The following TRAF3 variants were observed in gnomAD, a reference collection of about 807,000 sequenced individuals.
The protein encoded by TRAF3 is TNF receptor associated factor 3, also known as TNF receptor-associated factor 3.
A neutral mutation model predicts 62.3 loss-of-function variants in TRAF3; 13 were observed. That is an observed-to-expected ratio of 0.21 (90% confidence interval 0.14 to 0.33). The LOEUF (loss-of-function observed/expected upper bound fraction) is 0.33. Ranked by LOEUF, TRAF3 falls within the 10% of genes least tolerant of loss-of-function variation. TRAF3 has a pLI of 1.00. For missense variants in TRAF3, 440 were observed against 741.8 expected (o/e 0.59, Z 4.73); for synonymous variants, 269 against 283.4 (o/e 0.95, Z 0.51).
rs531782309 is a variant in TRAF3, at chr14:102,864,200, G to A, written c.-17-5985G>A. 2.4e-4 allele frequency among the ~76,000 whole-genome samples: 35 copies of A among 148,462 alleles called. No individual in the cohort carries two copies. The East Asian group carries it at 6.3e-3, about 27-fold the overall frequency. The stretch of plus-strand genomic sequence containing the variant: ...TTCTTGCGCTCTCACCCGGGCTGGA[G>A]TGCAGTGGCGCCATCACGGCTCACT... On this transcript the variant is annotated intron_variant, in intron 2 of 11. Coordinates refer to ENST00000392745, the MANE Select transcript of TRAF3 (RefSeq NM_145725.3).
chr14:102,883,312 G>A (rs996281944), intron 6 of TRAF3, among the ~76,000 whole-genome samples: 37 of 152,242 alleles, frequency 2.4e-4, no homozygotes, highest in African/African-American at 8.7e-4. Flanking sequence ...AATACTGAGC[G>A]AAGTCCAGAA....
At chr14:102,854,930 A>G (rs1046528253) in intron 2 of TRAF3, among the ~76,000 whole-genome samples, 5 of 151,414 alleles carry the variant, frequency 3.3e-5, no homozygotes, top group Non-Finnish European at 7.4e-5. Context: ...CATGATCTCT[A>G]TCTGGTTCCA....
At chr14:102,851,871 A>G (rs973595660) in intron 2 of TRAF3, among the ~76,000 whole-genome samples, 2 of 151,964 alleles carry the variant, frequency 1.3e-5, no homozygotes, top group African/African-American at 4.8e-5. Context: ...CCTGGGCAAC[A>G]TGGCGAGACC....
chr14:102,842,659 C>G (rs1886448051), intron 2 of TRAF3, among the ~76,000 whole-genome samples: 1 of 152,084 alleles, frequency 6.6e-6, no homozygotes, highest in African/African-American at 2.4e-5. Flanking sequence ...ATAAAGAAAT[C>G]CAAGGTACCT....
chr14:102,854,397 C>A (rs1019864318), intron 2 of TRAF3, among the ~76,000 whole-genome samples: 1 of 152,228 alleles, frequency 6.6e-6, no homozygotes, highest in African/African-American at 2.4e-5. Flanking sequence ...ACATTCCTGT[C>A]AACAATATGT....
At chr14:102,870,578 C>A in intron 3 of TRAF3, 132 bp downstream of exon 3, 1 of 1,277,680 alleles carries the variant, frequency 7.8e-7, no homozygotes, top group Admixed American at 2.3e-5. Context: ...AGCCTCCGGG[C>A]CCAGCTTGTG....
intron 1 of TRAF3, among the ~76,000 whole-genome samples, chr14:102,817,405 G>A (rs1899602626): frequency 6.6e-6 from 1 of 152,096 alleles, no homozygotes; most frequent in African/African-American, 2.4e-5. Flanking sequence ...GAATGATGGG[G>A]GAGTGGGGGT....
At chr14:102,898,003 G>A (rs972176190) in intron 10 of TRAF3, among the ~76,000 whole-genome samples, 4 of 152,236 alleles carry the variant, frequency 2.6e-5, no homozygotes, top group Non-Finnish European at 5.9e-5. Flanking sequence ...GATCATTGTA[G>A]ATGCTCTCTG....
At chr14:102,889,775 A>C in intron 8 of TRAF3, 141 bp downstream of exon 8, 1 of 1,013,668 alleles carries the variant, frequency 9.9e-7, no homozygotes, top group Admixed American at 1.9e-5. Flanking sequence ...TGGGTGACGA[A>C]AGCCACATGC....
chr14:102,798,790 A>G (rs1343548454), intron 1 of TRAF3, among the ~76,000 whole-genome samples: 2 of 152,172 alleles, frequency 1.3e-5, no homozygotes, highest in African/African-American at 4.8e-5. Context: ...GACCTTTGTA[A>G]AGCACTTCAT....
chr14:102,872,866 A>G (rs1339557672), intron 4 of TRAF3, among the ~76,000 whole-genome samples: 1 of 151,338 alleles, frequency 6.6e-6, no homozygotes, highest in Non-Finnish European at 1.5e-5. Context: ...TAATTTTTGT[A>G]TTTTTAGTAG....
intron 7 of TRAF3, among the ~76,000 whole-genome samples, chr14:102,888,249 C>T (rs1566799297): frequency 2.0e-5 from 3 of 152,230 alleles, no homozygotes; most frequent in African/African-American, 7.2e-5. Flanking sequence ...TGCCAGTCAC[C>T]TGTCACGTGC....
rs1003085701 is a variant in TRAF3, at chr14:102,826,081, G to A, written c.-156-4253G>A. ...TTCCTTAAAAGTTTTTCTGTAACTCGAATCCCTCCCACCCCCGTGAGGTAA... is the reference window on the plus strand; with the variant it reads ...TTCCTTAAAAGTTTTTCTGTAACTCAAATCCCTCCCACCCCCGTGAGGTAA... On this transcript the variant is annotated intron_variant, in intron 1 of 11. Coordinates refer to ENST00000392745, the MANE Select transcript of TRAF3 (RefSeq NM_145725.3). This position sits in a 1 kb window ranked among gnomAD's most constrained non-coding sequence, Gnocchi z 4.6. 1.3e-5 allele frequency among the ~76,000 whole-genome samples: 2 copies of A among 152,168 alleles called. No individual in the cohort carries two copies. Among genetic ancestry groups the A allele is most frequent in the Non-Finnish European group, 1.5e-5 (1 of 68,024 alleles).
Position 102,852,405 on chromosome 14 carries a change from G to A in TRAF3, c.-17-17780G>A, listed in dbSNP as rs1202549971. 5.9e-5 allele frequency among the ~76,000 whole-genome samples: 9 copies of A among 152,182 alleles called. No homozygotes were observed. The South Asian group carries it at 1.5e-3, about 25-fold the overall frequency. On this transcript the variant is annotated intron_variant, in intron 2 of 11. Coordinates refer to ENST00000392745, the MANE Select transcript of TRAF3 (RefSeq NM_145725.3). ...GGTGTTGTTGTTCCAGCCTGGGAACGAGACATGACCGACTCCAGTGCGGCC... is the reference window on the plus strand; with the variant it reads ...GGTGTTGTTGTTCCAGCCTGGGAACAAGACATGACCGACTCCAGTGCGGCC...
At chr14:102,871,853 A>G in intron 3 of TRAF3, 64 bp from the exon 4 acceptor site, 1 of 1,498,130 alleles carries the variant, frequency 6.7e-7, no homozygotes, top group African/African-American at 1.4e-5. Context: ...TGCTCCCAGA[A>G]TCTCCTGAGT....
At chr14:102,834,605 G>A (rs1166260406) in intron 2 of TRAF3, among the ~76,000 whole-genome samples, 3 of 144,866 alleles carry the variant, frequency 2.1e-5, no homozygotes, top group Admixed American at 1.4e-4. Context: ...GGAGAATGGC[G>A]TGAACCCGGG....
intron 2 of TRAF3, among the ~76,000 whole-genome samples, chr14:102,840,975 C>T (rs776526917): frequency 6.6e-6 from 1 of 152,270 alleles, no homozygotes; most frequent in Non-Finnish European, 1.5e-5. Context: ...GTTTTGGGGG[C>T]CGGATGCTGT....
intron 2 of TRAF3, among the ~76,000 whole-genome samples, chr14:102,852,535 T>C (rs1036379668): frequency 6.6e-6 from 1 of 152,168 alleles, no homozygotes; most frequent in Non-Finnish European, 1.5e-5. Flanking sequence ...TTTAAAACAT[T>C]ATCCCCTGAA....
chr14:102,874,049 C>T (rs1355893093), intron 4 of TRAF3, among the ~76,000 whole-genome samples: 1 of 152,098 alleles, frequency 6.6e-6, no homozygotes, highest in African/African-American at 2.4e-5. Flanking sequence ...CACTTGGGCT[C>T]AGGAGTTCGA....
Sources: allele counts gnomAD v4.1 joint callset (sites outside exome capture counted in the v4.1 genomes callset), GRCh38; gene constraint gnomAD v4.1.1; non-coding constraint Gnocchi (gnomAD v3.1); transcripts MANE v1.5; gene names NCBI Gene and HGNC (gene_info 2026-07-23, HGNC 2026-07-21).